ARHGEF4: variants seen among roughly 807,000 people sequenced by gnomAD.
ARHGEF4 encodes Rho guanine nucleotide exchange factor 4.
Under a neutral mutation model 162.0 loss-of-function variants are expected in ARHGEF4, and 119 were observed. The observed-to-expected ratio is 0.73, with a 90% CI of 0.63 to 0.86. ARHGEF4 has a LOEUF of 0.86. Among genes scored for constraint, ARHGEF4 ranks in the 40% least tolerant of loss-of-function variants. ARHGEF4 has a pLI of 0.00. For missense variants in ARHGEF4, 2,488 were observed against 2,456.0 expected, an observed-to-expected ratio of 1.01 and a Z score of -0.28; for synonymous variants, 1,014 against 979.9, an observed-to-expected ratio of 1.03 and a Z score of -0.65.
At position 131,033,839 on chromosome 2, in the gene ARHGEF4, C is replaced by T. The variant is rs185028013; in HGVS notation, c.4126-5014C>T. On this transcript the variant is annotated intron_variant, in intron 5 of 13. Coordinates refer to ENST00000409359, the MANE Select transcript of ARHGEF4 (RefSeq NM_001367493.1). The stretch of plus-strand genomic sequence containing the variant: ...GACACATCCCTGACACTTCTCTGCA[C>T]ACACACACGGGCACCCACATGTTGT... Among the ~76,000 whole-genome samples the T allele has an allele frequency of 5.6e-3, 850 of 152,258 alleles. 6 individuals are homozygous for T. The highest frequency in any genetic ancestry group is 0.019 in the African/African-American group (791 of 41,532).
At chr2:130,952,843 T>G (rs868739668) in intron 4 of ARHGEF4, among the ~76,000 whole-genome samples, 80 of 152,192 alleles carry the variant, frequency 5.3e-4, no homozygotes, top group African/African-American at 1.9e-3. Flanking sequence ...GAATCCAACT[T>G]ACAAGGGATG....
chr2:130,929,035 C>T (rs1682470741), intron 2 of ARHGEF4, among the ~76,000 whole-genome samples: 2 of 152,160 alleles, frequency 1.3e-5, no homozygotes, highest in South Asian at 4.1e-4. Context: ...TTCACCCATT[C>T]CCAGGAGTAT....
At chr2:130,856,850 A>ACAAAAGCT (rs1681825899) in intron 1 of ARHGEF4, among the ~76,000 whole-genome samples, 1 of 152,246 alleles carries the variant, frequency 6.6e-6, no homozygotes, top group African/African-American at 2.4e-5. Flanking sequence ...CACAGAGGTG[A>ACAAAAGCT]TTGGGAACAA....
At chr2:130,912,651 A>G (rs569653604) in intron 1 of ARHGEF4, among the ~76,000 whole-genome samples, 29 of 152,240 alleles carry the variant, frequency 1.9e-4, no homozygotes, top group African/African-American at 6.3e-4. Flanking sequence ...CTTCGTGAGC[A>G]ATGGGGCTGA....
At chr2:130,990,658 G>A (rs1344018712) in intron 4 of ARHGEF4, among the ~76,000 whole-genome samples, 1 of 152,082 alleles carries the variant, frequency 6.6e-6, no homozygotes, top group African/African-American at 2.4e-5. Flanking sequence ...TTCTGCAACC[G>A]GTAGGGAGGA....
intron 1 of ARHGEF4, among the ~76,000 whole-genome samples, chr2:130,868,441 T>C (rs538556140): frequency 7.6e-6 from 1 of 131,868 alleles, no homozygotes; most frequent in South Asian, 2.8e-4. Context: ...TGGCTGACTC[T>C]TGGCTGGGTG....
chr2:131,046,327 AG>A lies in ARHGEF4; in HGVS notation c.*139del. On this transcript the variant is annotated 3_prime_UTR_variant, in exon 14 of 14. Coordinates refer to ENST00000409359, the MANE Select transcript of ARHGEF4 (RefSeq NM_001367493.1). Reference sequence around the variant, plus strand: ...GGCTGGGGAGTTGCTTGTGCCACCAAGACGTGCCAGGTCTGTACTCCTGTTG... The same window carrying A: ...GGCTGGGGAGTTGCTTGTGCCACCAAACGTGCCAGGTCTGTACTCCTGTTG... 2 of 879,450 alleles carry A rather than the reference AG, an allele frequency of 2.3e-6. No homozygotes were observed. The highest frequency in any genetic ancestry group is 3.4e-6 in the Non-Finnish European group (2 of 580,978). 54.5% of individuals were successfully genotyped at this position (879,450 alleles called of 1,614,324 possible). A position where few individuals can be genotyped will look rare whatever the true frequency, so the allele number is the denominator to read the frequency against.
intron 2 of ARHGEF4, among the ~76,000 whole-genome samples, chr2:130,927,244 G>A (rs190262995): frequency 6.6e-6 from 1 of 152,216 alleles, no homozygotes; most frequent in African/African-American, 2.4e-5. Flanking sequence ...GAAGGTGCTG[G>A]CTCTCTAGCA....
chr2:130,902,238 C>T (rs188887528), intron 1 of ARHGEF4, among the ~76,000 whole-genome samples: 1 of 150,084 alleles, frequency 6.7e-6, no homozygotes, highest in African/African-American at 2.4e-5. Context: ...CTCCCTCCCT[C>T]CCTCTCTCCT....
rs1175222799 is a variant in ARHGEF4, at chr2:130,930,930, A to T, written c.3553-22A>T. On this transcript the variant is annotated intron_variant, in intron 2 of 13. Coordinates refer to ENST00000409359, the MANE Select transcript of ARHGEF4 (RefSeq NM_001367493.1). ...TATGTCCTTTGACCTCTGACCCCTGACCCGTTCTCTCTGCTCTCCAGAACC... is the reference window on the plus strand; with the variant it reads ...TATGTCCTTTGACCTCTGACCCCTGTCCCGTTCTCTCTGCTCTCCAGAACC... The T allele has an allele frequency of 6.3e-6, 10 of 1,587,194 alleles. No homozygotes were observed. In the African/African-American group the frequency reaches 1.3e-4, roughly 21 times the overall value.
chr2:131,037,086 G>A (rs1362406839), intron 5 of ARHGEF4, among the ~76,000 whole-genome samples: 3 of 152,170 alleles, frequency 2.0e-5, no homozygotes, highest in Non-Finnish European at 4.4e-5. Context: ...GCTGCCCCCA[G>A]GAATAACCCA....
intron 4 of ARHGEF4, among the ~76,000 whole-genome samples, chr2:130,953,858 A>G (rs1684106311): frequency 6.6e-6 from 1 of 152,238 alleles, no homozygotes; most frequent in Non-Finnish European, 1.5e-5. Flanking sequence ...ATGAGATACC[A>G]TCTCACACCA....
chr2:130,845,138 AG>A (rs1230532933), intron 1 of ARHGEF4, among the ~76,000 whole-genome samples: 1 of 151,166 alleles, frequency 6.6e-6, no homozygotes, highest in Non-Finnish European at 1.5e-5. Context: ...ACTTATAACC[AG>A]TGGGGTTGAA....
intron 4 of ARHGEF4, among the ~76,000 whole-genome samples, chr2:131,004,176 G>T (rs1042856890): frequency 6.6e-6 from 1 of 152,024 alleles, no homozygotes; most frequent in African/African-American, 2.4e-5. Context: ...TTGTTTTGGG[G>T]TTTTTTTGAG....
intron 1 of ARHGEF4, among the ~76,000 whole-genome samples, chr2:130,888,455 A>G (rs1679656714): frequency 1.3e-5 from 2 of 151,916 alleles, no homozygotes; most frequent in Admixed American, 1.3e-4. Context: ...TGGCTGAGCG[A>G]GACTCTGTCC....
intron 3 of ARHGEF4, among the ~76,000 whole-genome samples, chr2:130,931,586 C>T (rs542793173): frequency 2.0e-4 from 31 of 152,314 alleles, no homozygotes; most frequent in African/African-American, 5.8e-4. Flanking sequence ...GCTGTGTGCC[C>T]GACATGATTA....
At chr2:131,045,507 C>T (rs769722493) in intron 13 of ARHGEF4, 61 bp downstream of exon 13, 12 of 1,613,472 alleles carry the variant, frequency 7.4e-6, no homozygotes, top group Admixed American at 5.0e-5. Flanking sequence ...GACATCATTC[C>T]CTTCTCTGAA....
In ARHGEF4 at chr2:131,044,317, G is replaced by T. The variant is rs752929676; in HGVS notation, c.5176G>T (p.Val1726Leu). ...YCKKDLLRRD[V>L]LYYKGRLDMD... Reference sequence around the variant, plus strand: ...CTGGCAGGACCTGCTCCGCCGCGACGTGTTGTACTACAAGGGCCGGCTGGA... The same window carrying T: ...CTGGCAGGACCTGCTCCGCCGCGACTTGTTGTACTACAAGGGCCGGCTGGA... Residue 1726 changes from valine to leucine, a missense_variant, in exon 12 of 14, where the codon GTG becomes TTG. Transcript: ENST00000409359. The T allele has an allele frequency of 6.2e-7, 1 of 1,610,744 alleles. No homozygotes were observed.
intron 2 of ARHGEF4, among the ~76,000 whole-genome samples, chr2:130,918,014 GTTTC>G (rs1222887131): frequency 6.6e-6 from 1 of 151,382 alleles, no homozygotes; most frequent in Non-Finnish European, 1.5e-5. Context: ...TAGAGACGGG[GTTTC>G]ACCATGTTGG....
Sources: gnomAD v4.1 joint callset for allele counts (sites outside exome capture counted in the v4.1 genomes callset) on GRCh38, gnomAD v4.1.1 for gene constraint, MANE v1.5 for transcripts, NCBI Gene and HGNC (gene_info 2026-07-23, HGNC 2026-07-21) for gene names.